The following RUNDC3B variants were observed in gnomAD, a reference collection of about 807,000 sequenced individuals.
The protein encoded by RUNDC3B is RUN domain-containing protein 3B.
In RUNDC3B, 33 loss-of-function variants were observed where a neutral mutation model predicts 58.4. The ratio of observed to expected loss-of-function variants is 0.56; its 90% CI spans 0.43 to 0.75. RUNDC3B has a LOEUF of 0.75. RUNDC3B is among the 30% of genes least tolerant of loss of function. The probability of loss-of-function intolerance (pLI) is 0.00; values close to 1 mark genes in which losing one functional copy is unlikely to be tolerated. For synonymous variants in RUNDC3B, 193 were observed against 195.2 expected, an observed-to-expected ratio of 0.99 and a Z score of 0.10; for missense variants, 501 against 535.7, an observed-to-expected ratio of 0.94 and a Z score of 0.64.
chr7:87,727,975 G>A (rs1349781542), intron 4 of RUNDC3B, among the ~76,000 whole-genome samples: 2 of 151,972 alleles, frequency 1.3e-5, no homozygotes, highest in African/African-American at 4.8e-5. Flanking sequence ...TATGAGCAAA[G>A]GAAAAAGTAT....
chr7:87,688,068 C>A (rs1420666951), intron 2 of RUNDC3B, among the ~76,000 whole-genome samples: 1 of 152,102 alleles, frequency 6.6e-6, no homozygotes, highest in Non-Finnish European at 1.5e-5. Context: ...GAAATTGGCT[C>A]TTAAGGTCAC....
rs369275703 is a variant in RUNDC3B at position 87,702,824 on chromosome 7, C to G, written c.372+2270C>G. On this transcript the variant is annotated intron_variant, in intron 3 of 10. Coordinates refer to ENST00000394654, the MANE Select transcript of RUNDC3B (RefSeq NM_001134405.2). ...TGTTCAAAGAAAATGCTAAATGGAC[C>G]ATTTAATGCAAATATTCCAAAATCA... Among the ~76,000 whole-genome samples, 31 of 152,168 alleles carry G rather than the reference C, an allele frequency of 2.0e-4. No individual in the cohort carries two copies. In the East Asian group the frequency reaches 2.9e-3, roughly 14 times the overall value.
chr7:87,689,372 CA>C (rs1827796700), intron 2 of RUNDC3B, among the ~76,000 whole-genome samples: 2 of 151,954 alleles, frequency 1.3e-5, no homozygotes, highest in South Asian at 4.2e-4. Context: ...GTGATTTTTG[CA>C]AATTAGCATA....
At chr7:87,715,311 T>A (rs932423134) in intron 4 of RUNDC3B, among the ~76,000 whole-genome samples, 18 of 131,768 alleles carry the variant, frequency 1.4e-4, no homozygotes, top group Non-Finnish European at 2.2e-4. Context: ...TTATATATAA[T>A]TAATTTATAA....
In RUNDC3B at chr7:87,807,993, G is replaced by A. The variant is rs565508814; in HGVS notation, c.1103+474G>A. On this transcript the variant is annotated intron_variant, in intron 9 of 10. Transcript: ENST00000394654. ...GATCTTTTTCTTATTTCTTTGTCCC[G>A]ATGTTCAGGACTATTTCATTTAGTT... Among the ~76,000 whole-genome samples, 4 of 152,076 alleles carry A rather than the reference G, an allele frequency of 2.6e-5. No individual in the cohort carries two copies. The South Asian group carries it at 6.2e-4, about 24-fold the overall frequency.
Position 87,755,172 on chromosome 7 carries a change from A to G in RUNDC3B, c.629+13593A>G, listed in dbSNP as rs540108752. Reference sequence around the variant, plus strand: ...CGAGTAGCTGGGACTACAAGTGCACACCACCACACCTGGCTAATTTTTGTA... The same window carrying G: ...CGAGTAGCTGGGACTACAAGTGCACGCCACCACACCTGGCTAATTTTTGTA... On this transcript the variant is annotated intron_variant, in intron 6 of 10. Coordinates refer to ENST00000394654, the MANE Select transcript of RUNDC3B (RefSeq NM_001134405.2). 3.9e-5 allele frequency among the ~76,000 whole-genome samples: 6 copies of G among 151,944 alleles called. No homozygotes were observed. In the East Asian group the frequency reaches 1.2e-3, roughly 29 times the overall value.
intron 9 of RUNDC3B, among the ~76,000 whole-genome samples, chr7:87,813,279 A>G (rs534444878): frequency 7.5e-4 from 115 of 152,318 alleles, no homozygotes; most frequent in African/African-American, 2.7e-3. Context: ...ATATTCTAAA[A>G]AGAACCTCAG....
intron 6 of RUNDC3B, among the ~76,000 whole-genome samples, chr7:87,745,029 T>G (rs1002632985): frequency 6.6e-6 from 1 of 152,140 alleles, no homozygotes; most frequent in Non-Finnish European, 1.5e-5. Flanking sequence ...CATAAAGGGA[T>G]GTGCTGGATT....
intron 2 of RUNDC3B, among the ~76,000 whole-genome samples, chr7:87,655,589 G>C (rs912910076): frequency 2.0e-5 from 3 of 152,018 alleles, no homozygotes; most frequent in African/African-American, 7.2e-5. Flanking sequence ...GAGAGATGTT[G>C]GTTAAAGGAT....
intron 2 of RUNDC3B, among the ~76,000 whole-genome samples, chr7:87,691,577 A>G (rs992406298): frequency 3.9e-5 from 6 of 152,220 alleles, no homozygotes; most frequent in Admixed American, 1.3e-4. Flanking sequence ...AACCCCTTCT[A>G]CAAACAAGCC....
chr7:87,724,838 G>T (rs941342312), intron 4 of RUNDC3B, among the ~76,000 whole-genome samples: 4 of 151,648 alleles, frequency 2.6e-5, no homozygotes, highest in African/African-American at 9.7e-5. Flanking sequence ...AGATTACTTC[G>T]AATTTTCAAA....
At chr7:87,685,499 T>A (rs1404627376) in intron 2 of RUNDC3B, among the ~76,000 whole-genome samples, 1 of 149,508 alleles carries the variant, frequency 6.7e-6, no homozygotes, top group Non-Finnish European at 1.5e-5. Context: ...ACAAACTCAG[T>A]AATAAAAAGG....
At chr7:87,734,608 T>G (rs1230402611) in intron 4 of RUNDC3B, among the ~76,000 whole-genome samples, 1 of 152,156 alleles carries the variant, frequency 6.6e-6, no homozygotes, top group Non-Finnish European at 1.5e-5. Flanking sequence ...TGATTACACT[T>G]CATCACCAGA....
chr7:87,749,022 G>A (rs1343281091), intron 6 of RUNDC3B, among the ~76,000 whole-genome samples: 2 of 152,128 alleles, frequency 1.3e-5, no homozygotes, highest in Non-Finnish European at 2.9e-5. Context: ...ACTGAAATGC[G>A]GAGAGGTTAA....
chr7:87,792,055 A>G (rs1835548451), intron 8 of RUNDC3B, among the ~76,000 whole-genome samples: 1 of 152,140 alleles, frequency 6.6e-6, no homozygotes, highest in South Asian at 2.1e-4. Context: ...CTGAAAAAAG[A>G]TCAGGAGTAG....
chr7:87,706,625 G>A (rs926820666), intron 3 of RUNDC3B, among the ~76,000 whole-genome samples: 2 of 152,162 alleles, frequency 1.3e-5, no homozygotes, highest in African/African-American at 2.4e-5. Flanking sequence ...GAGCTGAGCC[G>A]CACATCCATC....
chr7:87,768,668 T>C (rs1475069268), intron 6 of RUNDC3B, among the ~76,000 whole-genome samples: 1 of 152,176 alleles, frequency 6.6e-6, no homozygotes, highest in East Asian at 1.9e-4. Flanking sequence ...TGCAAAGAAA[T>C]GCCCCTACCT....
chr7:87,763,029 C>T (rs1332244301), intron 6 of RUNDC3B, among the ~76,000 whole-genome samples: 1 of 151,278 alleles, frequency 6.6e-6, no homozygotes, highest in African/African-American at 2.4e-5. Context: ...TTCTTTCTTG[C>T]CTTTTACAAA....
intron 2 of RUNDC3B, among the ~76,000 whole-genome samples, chr7:87,699,987 A>G (rs1450382593): frequency 6.6e-6 from 1 of 152,094 alleles, no homozygotes; most frequent in African/African-American, 2.4e-5. Context: ...GGAGAAAAGA[A>G]TTATGGTGGT....
Sources: allele counts gnomAD v4.1 joint callset (sites outside exome capture counted in the v4.1 genomes callset), GRCh38; gene constraint gnomAD v4.1.1; transcripts MANE v1.5; gene names NCBI Gene and HGNC (gene_info 2026-07-23, HGNC 2026-07-21).